PARN: variants seen among roughly 807,000 people sequenced by gnomAD.
PARN encodes poly(A)-specific ribonuclease.
PARN carries 71 observed loss-of-function variants against 102.8 expected under a neutral mutation model. The ratio of observed to expected loss-of-function variants is 0.69; its 90% CI spans 0.57 to 0.84. PARN has a LOEUF of 0.84. PARN is among the 40% of genes least tolerant of loss of function. The pLI is 0.00. For missense variants in PARN, 782 were observed against 760.9 expected (o/e 1.03, Z -0.33); for synonymous variants, 261 against 252.9 (o/e 1.03, Z -0.30).
At chr16:14,562,635 T>C (rs991213112) in intron 18 of PARN, among the ~76,000 whole-genome samples, 1 of 151,574 alleles carries the variant, frequency 6.6e-6, no homozygotes, top group Admixed American at 6.6e-5. Flanking sequence ...ACCACTCTTG[T>C]TTTTAAGTAG....
chr16:14,496,830 T>C (rs1429936060), intron 21 of PARN, among the ~76,000 whole-genome samples: 1 of 152,218 alleles, frequency 6.6e-6, no homozygotes, highest in African/African-American at 2.4e-5. Context: ...TTCTCTACTA[T>C]CTCTAATCCT....
At chr16:14,621,999 A>G (rs1256323080) in intron 5 of PARN, among the ~76,000 whole-genome samples, 1 of 151,818 alleles carries the variant, frequency 6.6e-6, no homozygotes, top group Admixed American at 6.6e-5. Flanking sequence ...TCGTGACCAG[A>G]CTGGCCAACA....
At chr16:14,622,194 A>G (rs1972349090) in intron 5 of PARN, among the ~76,000 whole-genome samples, 3 of 152,124 alleles carry the variant, frequency 2.0e-5, no homozygotes, top group Non-Finnish European at 2.9e-5. Context: ...CTCCGTCTCA[A>G]AAAAAATAAA....
chr16:14,589,376 C>A (rs1424659341), intron 13 of PARN, among the ~76,000 whole-genome samples: 1 of 151,412 alleles, frequency 6.6e-6, no homozygotes, highest in Non-Finnish European at 1.5e-5. Context: ...GCAGCCTGGG[C>A]AAATGGTGAG....
intron 23 of PARN, among the ~76,000 whole-genome samples, chr16:14,443,953 C>T (rs769380879): frequency 5.3e-5 from 8 of 152,130 alleles, no homozygotes; most frequent in Admixed American, 2.6e-4. Context: ...ATACAGTTCC[C>T]GCCACCACCC....
intron 21 of PARN, among the ~76,000 whole-genome samples, chr16:14,506,417 T>A (rs1964897783): frequency 6.6e-6 from 1 of 152,180 alleles, no homozygotes. Context: ...TTAGATCATA[T>A]CAAAATCATA....
intron 22 of PARN, among the ~76,000 whole-genome samples, chr16:14,455,442 G>A (rs762188296): frequency 2.0e-5 from 3 of 152,032 alleles, no homozygotes; most frequent in Non-Finnish European, 4.4e-5. Flanking sequence ...CATTTCTCCT[G>A]TAAAAGTATT....
intron 21 of PARN, among the ~76,000 whole-genome samples, chr16:14,541,291 GAGA>G (rs202244291): frequency 0.028 from 4,220 of 152,072 alleles, 80 homozygotes; most frequent in Non-Finnish European, 0.041. Context: ...CAGGAAGTTA[GAGA>G]AGAAGAAGAA....
intron 21 of PARN, among the ~76,000 whole-genome samples, chr16:14,504,853 T>C (rs910818249): frequency 1.3e-5 from 2 of 152,096 alleles, no homozygotes; most frequent in Admixed American, 1.3e-4. Flanking sequence ...GGTATTTTCC[T>C]ATATGTATGT....
chr16:14,586,551 T>C (rs542559519), intron 13 of PARN, among the ~76,000 whole-genome samples, 190 bp from the exon 14 acceptor site: 12 of 152,146 alleles, frequency 7.9e-5, no homozygotes, highest in Admixed American at 1.3e-4. Flanking sequence ...TCCTCACTCA[T>C]TGGGAACCAT....
intron 21 of PARN, among the ~76,000 whole-genome samples, chr16:14,519,913 A>G (rs898225490): frequency 6.6e-6 from 1 of 152,162 alleles, no homozygotes; most frequent in African/African-American, 2.4e-5. Flanking sequence ...GAAATAATGG[A>G]TCTAGGTTAA....
intron 21 of PARN, among the ~76,000 whole-genome samples, chr16:14,500,212 T>C (rs527983742): frequency 6.6e-6 from 1 of 152,110 alleles, no homozygotes; most frequent in Admixed American, 6.5e-5. Context: ...CTTGCCACCA[T>C]GTCCGGGTAA....
At chr16:14,531,076 C>T (rs4782162) in intron 21 of PARN, among the ~76,000 whole-genome samples, 6,129 of 152,226 alleles carry the variant, frequency 0.04, 231 homozygotes, top group Admixed American at 0.11. Flanking sequence ...GCAGGCCAGG[C>T]GTGGTGTCTC....
chr16:14,563,667 C>T (rs1434766633), intron 18 of PARN, among the ~76,000 whole-genome samples: 1 of 150,560 alleles, frequency 6.6e-6, no homozygotes, highest in Non-Finnish European at 1.5e-5. Context: ...TCATAAATGG[C>T]TGGAATGACA....
chr16:14,439,798 G>A (rs185663421), intron 23 of PARN, among the ~76,000 whole-genome samples: 202 of 152,110 alleles, frequency 1.3e-3, no homozygotes, highest in African/African-American at 4.6e-3. Context: ...GGTGGATCAC[G>A]AGGTCAGGGG....
At chr16:14,472,736 A>G (rs1962818933) in intron 22 of PARN, among the ~76,000 whole-genome samples, 1 of 152,266 alleles carries the variant, frequency 6.6e-6, no homozygotes, top group African/African-American at 2.4e-5. Context: ...AACATTATAC[A>G]TGCAAAACAA....
intron 18 of PARN, among the ~76,000 whole-genome samples, chr16:14,580,383 G>T (rs1969450797): frequency 6.6e-6 from 1 of 152,060 alleles, no homozygotes; most frequent in South Asian, 2.1e-4. Flanking sequence ...TGCCACCTGG[G>T]TTGAAGCAAT....
At chr16:14,520,770 T>C (rs918868004) in intron 21 of PARN, among the ~76,000 whole-genome samples, 1 of 152,064 alleles carries the variant, frequency 6.6e-6, no homozygotes, top group Admixed American at 6.6e-5. Context: ...GGATCTAAAA[T>C]ATGCTTCAAA....
At chr16:14,469,872 T>A (rs1214756853) in intron 22 of PARN, among the ~76,000 whole-genome samples, 1 of 152,234 alleles carries the variant, frequency 6.6e-6, no homozygotes, top group Non-Finnish European at 1.5e-5. Context: ...ACAGAAAATC[T>A]GTTTTGCATT....
Sources: gnomAD v4.1 joint callset for allele counts (sites outside exome capture counted in the v4.1 genomes callset) on GRCh38, gnomAD v4.1.1 for gene constraint, MANE v1.5 for transcripts, NCBI Gene and HGNC (gene_info 2026-07-23, HGNC 2026-07-21) for gene names.